ARK2N: variants seen among roughly 807,000 people sequenced by gnomAD.
ARK2N encodes arkadia (RNF111) N-terminal like PKA signaling regulator 2N.
chr18:46,179,624 T>C, the ARK2N span, among the ~76,000 whole-genome samples: 1 of 149,332 alleles, frequency 6.7e-6, no homozygotes, highest in African/African-American at 2.5e-5. Flanking sequence ...TTTAAAGTTA[T>C]CTTTTTTTTT....
chr18:46,196,535 A>G, the ARK2N span, among the ~76,000 whole-genome samples: 3 of 152,250 alleles, frequency 2.0e-5, no homozygotes, highest in African/African-American at 7.2e-5. Context: ...TGCTGGGATT[A>G]CAGGTGTGAA....
chr18:46,219,080 A>T, the ARK2N span: 1 of 152,242 alleles, frequency 6.6e-6, no homozygotes, highest in Non-Finnish European at 1.5e-5. Flanking sequence ...CCTAAATGTT[A>T]TGCCAAATAA....
chr18:46,194,985 A>G, the ARK2N span, among the ~76,000 whole-genome samples: 1 of 151,090 alleles, frequency 6.6e-6, no homozygotes, highest in Non-Finnish European at 1.5e-5. Flanking sequence ...TAGTTTTAGT[A>G]GTGACGGGGT....
the ARK2N span, among the ~76,000 whole-genome samples, chr18:46,233,105 T>G: frequency 3.8e-4 from 58 of 152,276 alleles, no homozygotes; most frequent in East Asian, 0.011. Flanking sequence ...TTTTTAGTTT[T>G]TTTGGTAATT....
the ARK2N span, among the ~76,000 whole-genome samples, chr18:46,256,709 T>C: frequency 4.6e-5 from 7 of 152,240 alleles, no homozygotes; most frequent in African/African-American, 1.7e-4. Context: ...GTTAAAATTG[T>C]CCGTATAATG....
chr18:46,234,846 TTCTTC>T, the ARK2N span, among the ~76,000 whole-genome samples: 1 of 152,200 alleles, frequency 6.6e-6, no homozygotes, highest in East Asian at 1.9e-4. Context: ...CAGATTTTTT[TTCTTC>T]TCTTAGTGAG....
At chr18:46,224,558 AC>A in the ARK2N span, among the ~76,000 whole-genome samples, 1 of 152,124 alleles carries the variant, frequency 6.6e-6, no homozygotes, top group Admixed American at 6.5e-5. Context: ...GGGAGCTTAA[AC>A]CGAAACAAAT....
At chr18:46,197,226 A>G in the ARK2N span, among the ~76,000 whole-genome samples, 1 of 152,106 alleles carries the variant, frequency 6.6e-6, no homozygotes. Context: ...CTTAACTCCC[A>G]AGATTGCCCA....
At chr18:46,242,596 C>G in the ARK2N span, among the ~76,000 whole-genome samples, 1 of 152,160 alleles carries the variant, frequency 6.6e-6, no homozygotes, top group Admixed American at 6.5e-5. Context: ...CATGCCAAAG[C>G]TATCCTAAAT....
the ARK2N span, chr18:46,240,019 G>GTA: frequency 5.7e-5 from 92 of 1,613,908 alleles, no homozygotes; most frequent in Non-Finnish European, 7.7e-5. Context: ...ACCTCCAGTT[G>GTA]TAGCTCATTA....
the ARK2N span, among the ~76,000 whole-genome samples, chr18:46,258,996 T>C: frequency 6.6e-6 from 1 of 152,190 alleles, no homozygotes; most frequent in East Asian, 1.9e-4. Flanking sequence ...GTTTACTAGA[T>C]TGACTGTTTT....
chr18:46,240,593 G>A, the ARK2N span, among the ~76,000 whole-genome samples: 3 of 152,266 alleles, frequency 2.0e-5, no homozygotes, highest in East Asian at 5.8e-4. Flanking sequence ...TGTGGGGCTG[G>A]CTGTTCATAC....
the ARK2N span, among the ~76,000 whole-genome samples, chr18:46,222,083 C>T: frequency 2.0e-5 from 3 of 152,192 alleles, no homozygotes; most frequent in African/African-American, 7.2e-5. Context: ...GGTATTTAAA[C>T]CATCTGATGC....
the ARK2N span, among the ~76,000 whole-genome samples, chr18:46,247,536 C>T: frequency 2.0e-5 from 3 of 152,152 alleles, no homozygotes; most frequent in African/African-American, 7.2e-5. Flanking sequence ...GTGATCCTGC[C>T]TGTCTACACT....
the ARK2N span, among the ~76,000 whole-genome samples, chr18:46,198,373 C>A: frequency 6.9e-6 from 1 of 144,540 alleles, no homozygotes; most frequent in African/African-American, 2.6e-5. Context: ...TTAATAGTTA[C>A]ATTGTAATGC....
chr18:46,247,506 G>A, the ARK2N span, among the ~76,000 whole-genome samples: 1 of 152,196 alleles, frequency 6.6e-6, no homozygotes. Context: ...GAGTGATCAA[G>A]GAGGAAGAGT....
the ARK2N span, among the ~76,000 whole-genome samples, chr18:46,243,926 G>T: frequency 6.6e-6 from 1 of 152,320 alleles, no homozygotes; most frequent in Non-Finnish European, 1.5e-5. Context: ...GAAGTAGACT[G>T]AGTAAGGAAG....
the ARK2N span, among the ~76,000 whole-genome samples, chr18:46,190,405 A>G: frequency 5.0e-5 from 1 of 19,868 alleles, no homozygotes; most frequent in Non-Finnish European, 1.4e-4. Context: ...CTGTAATCCC[A>G]GCTACTCGGG....
the ARK2N span, among the ~76,000 whole-genome samples, chr18:46,262,247 T>C: frequency 6.6e-6 from 1 of 152,228 alleles, no homozygotes; most frequent in Non-Finnish European, 1.5e-5. Flanking sequence ...ACTCTTGGTG[T>C]GACTTGCTAA....
Sources: gnomAD v4.1 joint callset for allele counts (sites outside exome capture counted in the v4.1 genomes callset) on GRCh38, gnomAD v4.1.1 for gene constraint, MANE v1.5 for transcripts, NCBI Gene and HGNC (gene_info 2026-07-23, HGNC 2026-07-21) for gene names.